TMEM256: variants seen among roughly 807,000 people sequenced by gnomAD.
TMEM256 encodes UPF0451 protein C17orf61.
In TMEM256, 14 loss-of-function variants were observed where a neutral mutation model predicts 14.8. The ratio of observed to expected loss-of-function variants is 0.95; its 90% CI spans 0.63 to 1.48. The LOEUF is 1.48. TMEM256 is among the 40% of genes most tolerant of loss of function. TMEM256 has a pLI of 0.00. For missense variants in TMEM256, 146 were observed against 137.9 expected (o/e 1.06, Z -0.30); for synonymous variants, 68 against 60.7 (o/e 1.12, Z -0.56).
In TMEM256 at chr17:7,403,073, G is replaced by A. The variant is rs972313023; in HGVS notation, c.335C>T (p.Ala112Val). The A allele has an allele frequency of 6.2e-7, 1 of 1,606,604 alleles. No homozygotes were observed. Among genetic ancestry groups the A allele is most frequent in the African/African-American group, 1.3e-5 (1 of 74,356 alleles). ...TLLLLGWLAL[A>V]L is the part of the protein sequence containing the mutation. ...AATTAAGCAAAAGGGAGCTCAAAGA[G>A]CCAAGGCAAGCCAGCCCAAGAGTAG... The change falls in exon 4 of 4, where the codon GCT becomes GTT. Residue 112 changes from alanine to valine, a missense_variant. By Grantham distance (64) the Ala-to-Val change is moderately conservative. Transcript: ENST00000302422.
rs1423873162 is a variant in TMEM256 at position 7,403,938 on chromosome 17, C to T, written c.85+62G>A. The T allele has an allele frequency of 2.0e-6, 3 of 1,490,484 alleles. No homozygotes were observed. In the Admixed American group the frequency reaches 6.9e-5, roughly 34 times the overall value. 92.3% of individuals were successfully genotyped at this position (1,490,484 alleles called of 1,614,324 possible). On this transcript the variant is annotated intron_variant, in intron 1 of 3. Transcript: ENST00000302422. ...CCGGGCACCTCCCATAGGTTACGCCCTTGCAGCAGACCCCAGAGGACGCCC... is the reference window on the plus strand; with the variant it reads ...CCGGGCACCTCCCATAGGTTACGCCTTTGCAGCAGACCCCAGAGGACGCCC...
Position 7,403,791 on chromosome 17 carries a change from C to G in TMEM256, c.86-102G>C, listed in dbSNP as rs559341678. Reference sequence around the variant, plus strand: ...ACATTGGCGAGAAAGGGCACCCCCCCCCCCGCCCCAGGAAGCTTCCGATTG... The same window carrying G: ...ACATTGGCGAGAAAGGGCACCCCCCGCCCCGCCCCAGGAAGCTTCCGATTG... On this transcript the variant is annotated intron_variant, in intron 1 of 3. Coordinates refer to ENST00000302422, the MANE Select transcript of TMEM256 (RefSeq NM_152766.5). 9 of 1,045,846 alleles carry G rather than the reference C, an allele frequency of 8.6e-6. No individual in the cohort carries two copies. In the East Asian group the frequency reaches 1.9e-4, roughly 23 times the overall value. The allele number at this position is 1,045,846 out of a possible 1,614,324, so 64.8% of individuals were successfully genotyped here.
chr17:7,403,716 C>A (rs1362245948), intron 1 of TMEM256, 27 bp from the exon 2 acceptor site: 2 of 1,612,132 alleles, frequency 1.2e-6, no homozygotes, highest in African/African-American at 2.7e-5. Context: ...CAAAGGTTAG[C>A]GGTCCTAGTG....
chr17:7,403,420 C>T, intron 2 of TMEM256, 30 bp from the exon 3 acceptor site: 1 of 1,604,180 alleles, frequency 6.2e-7, no homozygotes, highest in South Asian at 1.1e-5. Flanking sequence ...GAAGGGATGT[C>T]GTAGGCAATA....
chr17:7,403,824 C>A (rs1906458489), intron 1 of TMEM256, 135 bp from the exon 2 acceptor site: 3 of 1,147,420 alleles, frequency 2.6e-6, no homozygotes, highest in Non-Finnish European at 3.6e-6. Context: ...TTGGTGGGAA[C>A]ACGCTCGGGC....
Position 7,403,296 on chromosome 17 carries a change from C to T in TMEM256, c.198+14G>A. ...TGTGGGGCTTGGTCAGGGTTAGGCG[C>T]AGGGAAAGATTACCCAGAGTGGCTT... On this transcript the variant is annotated intron_variant, in intron 3 of 3. Transcript: ENST00000302422. 1 of 1,614,154 alleles carries T rather than the reference C, an allele frequency of 6.2e-7. No individual in the cohort carries two copies. Among genetic ancestry groups the T allele is most frequent in the Non-Finnish European group, 8.5e-7 (1 of 1,180,012 alleles).
intron 2 of TMEM256, 38 bp from the exon 3 acceptor site, chr17:7,403,428 A>C: frequency 6.3e-7 from 1 of 1,592,374 alleles, no homozygotes; most frequent in Non-Finnish European, 8.6e-7. Context: ...GTCGTAGGCA[A>C]TACAGGTACT....
In TMEM256 at chr17:7,404,079, G is replaced by T. The variant is rs752432561; in HGVS notation, c.6C>A (p.Ala2=). The T allele has an allele frequency of 1.9e-6, 3 of 1,587,608 alleles. No individual in the cohort carries two copies. The highest frequency in any genetic ancestry group is 2.6e-6 in the Non-Finnish European group (3 of 1,166,706). ...AGCGGCGGAAAGCTGCAGCTGGCCC[G>T]GCCATAGCTGTAGAACAGGACGCAC... is the stretch of plus-strand genomic sequence containing the variant. The part of the protein sequence containing the change: M[A]GPAAAFRRLG... The change falls in exon 1 of 4, where the codon GCC becomes GCA. Residue 2 remains alanine (A), a synonymous_variant. Coordinates refer to ENST00000302422, the MANE Select transcript of TMEM256 (RefSeq NM_152766.5).
At chr17:7,403,966 A>G (rs769610451) in intron 1 of TMEM256, 34 bp downstream of exon 1, 55 of 1,540,324 alleles carry the variant, frequency 3.6e-5, no homozygotes, top group Non-Finnish European at 4.4e-5. Context: ...GGACGCCCCA[A>G]GTACAGTCCC....
chr17:7,403,898 CT>C, intron 1 of TMEM256, 101 bp downstream of exon 1: 1 of 1,379,526 alleles, frequency 7.2e-7, no homozygotes, highest in Non-Finnish European at 9.8e-7. Flanking sequence ...CGCGGACTGT[CT>C]GATAAACGAG....
chr17:7,403,443 T>G lies in TMEM256; in HGVS notation c.118-53A>C, dbSNP rs1002472647. 1.9e-6 allele frequency: 3 copies of G among 1,571,474 alleles called. No individual in the cohort carries two copies. In the African/African-American group the frequency reaches 4.1e-5, roughly 21 times the overall value. On this transcript the variant is annotated intron_variant, in intron 2 of 3. Coordinates refer to ENST00000302422, the MANE Select transcript of TMEM256 (RefSeq NM_152766.5). ...GTCGTAGGCAATACAGGTACTGAGA[T>G]CCCCTGATGACACAAGGGACCAAAG...
chr17:7,403,964 C>T, intron 1 of TMEM256, 36 bp downstream of exon 1: 4 of 1,537,826 alleles, frequency 2.6e-6, no homozygotes, highest in Non-Finnish European at 3.5e-6. Context: ...GAGGACGCCC[C>T]AAGTACAGTC....
At position 7,404,072 on chromosome 17, in the gene TMEM256, C is replaced by G. The variant is rs139552861; in HGVS notation, c.13G>C (p.Ala5Pro). 4.5e-3 allele frequency: 7,155 copies of G among 1,593,214 alleles called. 23 individuals are homozygous for G. Among genetic ancestry groups the G allele is most frequent in the Non-Finnish European group, 5.1e-3 (6,011 of 1,169,854 alleles). Residue 5 changes from alanine to proline, a missense_variant, in exon 1 of 4, where the codon GCT (alanine) becomes CCT (proline). Coordinates refer to ENST00000302422, the MANE Select transcript of TMEM256 (RefSeq NM_152766.5). ...GCGCCCAAGCGGCGGAAAGCTGCAG[C>G]TGGCCCGGCCATAGCTGTAGAACAG... The part of the protein sequence containing the change: MAGP[A>P]AAFRRLGALS...
chr17:7,403,506 TC>T, intron 2 of TMEM256, 116 bp from the exon 3 acceptor site: 1 of 1,492,214 alleles, frequency 6.7e-7, no homozygotes, highest in South Asian at 1.1e-5. Context: ...CCCAGCTTGA[TC>T]CCAGGCCTTT....
At position 7,404,054 on chromosome 17, in the gene TMEM256, A is replaced by T; in HGVS notation, c.31T>A (p.Leu11Met). 6.2e-7 allele frequency: 1 copy of T among 1,600,088 alleles called. No individual in the cohort carries two copies. Among genetic ancestry groups the T allele is most frequent in the Non-Finnish European group, 8.5e-7 (1 of 1,173,406 alleles). MAGPAAAFRR[L>M]GALSGAAALG... The stretch of plus-strand genomic sequence containing the variant: ...GCCGCAGCTCCGGACAAGGCGCCCA[A>T]GCGGCGGAAAGCTGCAGCTGGCCCG... Residue 11 changes from leucine to methionine, a missense_variant, in exon 1 of 4, where the codon TTG becomes ATG. By Grantham distance (15) the Leu-to-Met change is conservative (BLOSUM62 2). Transcript: ENST00000302422.
At position 7,403,188 on chromosome 17, in the gene TMEM256, C is replaced by T; in HGVS notation, c.220G>A (p.Gly74Arg). The T allele has an allele frequency of 1.9e-6, 3 of 1,614,076 alleles. No homozygotes were observed. The highest frequency in any genetic ancestry group is 2.2e-5 in the East Asian group (1 of 44,884). ...AAGCTGGTGCAGAATAAGGTCGTTC[C>T]GGAAGCTAGCAATAACCCAGCCTGA... ...PLWAGLLLAS[G>R]TTLFCTSFYY... Residue 74 changes from glycine to arginine, a missense_variant, in exon 4 of 4, where the codon GGA becomes AGA. Transcript: ENST00000302422.
chr17:7,403,576 C>CAAAA, intron 2 of TMEM256, 82 bp downstream of exon 2: 4 of 1,426,120 alleles, frequency 2.8e-6, no homozygotes, highest in Non-Finnish European at 3.9e-6. Context: ...CCCACCCTCT[C>CAAAA]CCCGCCCACT....
Position 7,403,026 on chromosome 17 carries a change from A to C in TMEM256, c.*40T>G, listed in dbSNP as rs1597701715. The C allele has an allele frequency of 1.3e-6, 2 of 1,564,242 alleles. No individual in the cohort carries two copies. The highest frequency in any genetic ancestry group is 8.6e-7 in the Non-Finnish European group (1 of 1,162,844). On this transcript the variant is annotated 3_prime_UTR_variant, in exon 4 of 4. Coordinates refer to ENST00000302422, the MANE Select transcript of TMEM256 (RefSeq NM_152766.5). Reference sequence around the variant, plus strand: ...CTTCTTACTCCAACTCTTTAAAAAAAAAACTGCCCAGAAAACCCAGTAATT... The same window carrying C: ...CTTCTTACTCCAACTCTTTAAAAAACAAACTGCCCAGAAAACCCAGTAATT...
intron 2 of TMEM256, 89 bp from the exon 3 acceptor site, chr17:7,403,479 C>G (rs775168146): frequency 1.3e-6 from 2 of 1,504,242 alleles, no homozygotes; most frequent in Non-Finnish European, 1.8e-6. Context: ...TTCCTTCCCC[C>G]ACCCCACCCT....
Sources: gnomAD v4.1 joint callset for allele counts on GRCh38, gnomAD v4.1.1 for gene constraint, MANE v1.5 for transcripts, NCBI Gene and HGNC (gene_info 2026-07-23, HGNC 2026-07-21) for gene names.